HMCN1: variants seen among roughly 807,000 people sequenced by gnomAD.
HMCN1 encodes the protein hemicentin-1.
Under a neutral mutation model 625.9 loss-of-function variants are expected in HMCN1, and 321 were observed. The observed-to-expected ratio is 0.51, with a 90% CI of 0.47 to 0.56. The LOEUF (loss-of-function observed/expected upper bound fraction) is 0.56. Ranked by LOEUF, HMCN1 falls within the 20% of genes least tolerant of loss-of-function variation. HMCN1 has a pLI of 0.00. For missense variants in HMCN1, 6,588 were observed against 6,887.3 expected (o/e 0.96, Z 1.54); for synonymous variants, 2,425 against 2,417.6 (o/e 1.00, Z -0.09).
At chr1:185,747,995 G>A (rs1221625747) in intron 1 of HMCN1, among the ~76,000 whole-genome samples, 1 of 151,330 alleles carries the variant, frequency 6.6e-6, no homozygotes, top group Non-Finnish European at 1.5e-5. Flanking sequence ...AGAAGCATGG[G>A]TGATGGGGAG....
chr1:186,104,402 C>G (rs1269636797), intron 69 of HMCN1, among the ~76,000 whole-genome samples: 1 of 152,182 alleles, frequency 6.6e-6, no homozygotes, highest in Non-Finnish European at 1.5e-5. Flanking sequence ...AGGATTGTTC[C>G]TGCTGTTGCT....
chr1:186,189,687 G>A lies in HMCN1; in HGVS notation c.16717G>A (p.Asp5573Asn). The A allele has an allele frequency of 1.2e-6, 2 of 1,612,004 alleles. No homozygotes were observed. The highest frequency in any genetic ancestry group is 1.7e-6 in the Non-Finnish European group (2 of 1,178,362). Residue 5573 changes from aspartate to asparagine, a missense_variant, in exon 107 of 107, where the codon GAT becomes AAT. Physicochemically the swap from Asp to Asn is conservative, Grantham distance 23 (BLOSUM62 1). This residue lies in a region of HMCN1 where 1,954 missense variants were observed against 2,013.1 expected (regional missense o/e 0.97). Transcript: ENST00000271588. ...TCCCAGGACAACTTTCCTCATGGTA[G>A]ATGAGGAACAGACTGTTCCTTTTGC... ...MHPRTTFLMV[D>N]EEQTVPFALR...
intron 4 of HMCN1, among the ~76,000 whole-genome samples, chr1:185,908,601 C>T (rs1423659027): frequency 6.6e-6 from 1 of 151,868 alleles, no homozygotes; most frequent in Non-Finnish European, 1.5e-5. Context: ...TTCTTGTTCA[C>T]AATGAGGCAT....
chr1:186,121,665 GGAGATGTCAAGTAGA>G (rs947252086), intron 80 of HMCN1, among the ~76,000 whole-genome samples: 2 of 152,088 alleles, frequency 1.3e-5, no homozygotes. Context: ...AAATCCTAGT[GGAGATGTCAAGTAGA>G]GAGTTGAATA....
intron 58 of HMCN1, 48 bp from the exon 59 acceptor site, chr1:186,087,169 A>T: frequency 8.5e-7 from 1 of 1,176,742 alleles, no homozygotes; most frequent in African/African-American, 1.5e-5. Context: ...AATAGTTGTT[A>T]GAACAACCTG....
At chr1:186,149,141 G>GT (rs763835692) in intron 93 of HMCN1, among the ~76,000 whole-genome samples, 3 of 152,114 alleles carry the variant, frequency 2.0e-5, no homozygotes, top group African/African-American at 4.8e-5. Flanking sequence ...CACCAACTGC[G>GT]TAAGTCCTTA....
chr1:186,151,835 T>C, intron 95 of HMCN1, 92 bp downstream of exon 95: 1 of 1,322,944 alleles, frequency 7.6e-7, no homozygotes, highest in Non-Finnish European at 1.1e-6. Context: ...CATAGAATAA[T>C]TTGAAACTTT....
chr1:185,942,639 A>C (rs1188641697), intron 11 of HMCN1, among the ~76,000 whole-genome samples: 1 of 152,108 alleles, frequency 6.6e-6, no homozygotes, highest in African/African-American at 2.4e-5. Flanking sequence ...TAAATGTGTA[A>C]ATTTTTTTTT....
chr1:186,112,129 T>A (rs1026617351), intron 71 of HMCN1, among the ~76,000 whole-genome samples: 1 of 152,258 alleles, frequency 6.6e-6, no homozygotes, highest in African/African-American at 2.4e-5. Context: ...TTCATAATTT[T>A]TGTCTATGCC....
intron 4 of HMCN1, among the ~76,000 whole-genome samples, chr1:185,877,622 G>A (rs1664040059): frequency 6.6e-6 from 1 of 151,624 alleles, no homozygotes; most frequent in Non-Finnish European, 1.5e-5. Flanking sequence ...ATTTGTTTAT[G>A]TCATCTATAA....
At position 186,090,757 on chromosome 1, in the gene HMCN1, G is replaced by A; in HGVS notation, c.9728-1G>A. ...TGAAATTCCTAATTATTTCTCCAAA[G>A]TTCCTCCAAGTGTTGCTGGTGCTGA... On this transcript the variant is annotated splice_acceptor_variant, in intron 63 of 106. Transcript: ENST00000271588. LOFTEE classifies it high-confidence loss of function. 6.2e-7 allele frequency: 1 copy of A among 1,612,038 alleles called. No individual in the cohort carries two copies.
intron 1 of HMCN1, among the ~76,000 whole-genome samples, chr1:185,749,198 G>A (rs1431428071): frequency 6.6e-6 from 1 of 152,198 alleles, no homozygotes; most frequent in Non-Finnish European, 1.5e-5. Context: ...TTATGTTTCA[G>A]TGAGACTATA....
chr1:186,077,365 G>A (rs143735313), intron 54 of HMCN1, among the ~76,000 whole-genome samples: 157 of 152,062 alleles, frequency 1.0e-3, no homozygotes, highest in African/African-American at 3.4e-3. Context: ...TATGGACTGC[G>A]GATTCAATAG....
chr1:186,151,294 T>A lies in HMCN1; in HGVS notation c.14703T>A (p.Pro4901=). The A allele has an allele frequency of 6.2e-7, 1 of 1,613,592 alleles. No homozygotes were observed. Among genetic ancestry groups the A allele is most frequent in the Non-Finnish European group, 8.5e-7 (1 of 1,179,536 alleles). ...TTAATGCCACAATAACTGATAGCCCTAACTCTGATACTAGAATAATACGTG... is the reference window on the plus strand; with the variant it reads ...TTAATGCCACAATAACTGATAGCCCAAACTCTGATACTAGAATAATACGTG... The part of the protein sequence containing the change: ...AFLNATITDS[P]NSDTRIIRAK... Residue 4901 remains proline, a synonymous_variant, in exon 94 of 107, where the codon CCT becomes CCA. Coordinates refer to ENST00000271588, the MANE Select transcript of HMCN1 (RefSeq NM_031935.3).
rs1661977086 is a variant in HMCN1 at position 186,132,246 on chromosome 1, A to G, written c.13231-82A>G. The G allele has an allele frequency of 1.1e-5, 10 of 948,392 alleles. 1 individual carries two copies. In the South Asian group the frequency reaches 1.2e-4, roughly 12 times the overall value. 58.7% of individuals were successfully genotyped at this position (948,392 alleles called of 1,614,324 possible). On this transcript the variant is annotated intron_variant, in intron 85 of 106. Coordinates refer to ENST00000271588, the MANE Select transcript of HMCN1 (RefSeq NM_031935.3). ...TTCCTTCTCAAAAATGAAATTTCAA[A>G]TAAACTAGCATCATGGTGAAAAAAG...
rs769804680 is a variant in HMCN1, at chr1:185,977,927, C to A, written c.2512C>A (p.Pro838Thr). 1 of 1,613,364 alleles carries A rather than the reference C, an allele frequency of 6.2e-7. No homozygotes were observed. Among genetic ancestry groups the A allele is most frequent in the South Asian group, 1.1e-5 (1 of 91,062 alleles). ...RLDNMPIFSR[P>T]FSVSSISQLR... ...AGACAACATGCCAATTTTCTCAAGACCTTTTTCAGTTAGTTCCATCAGCCA... is the reference window on the plus strand; with the variant it reads ...AGACAACATGCCAATTTTCTCAAGAACTTTTTCAGTTAGTTCCATCAGCCA... The change falls in exon 16 of 107, where the codon CCT (proline) becomes ACT (threonine). Residue 838 changes from proline (P) to threonine (T), a missense_variant. Transcript: ENST00000271588.
intron 42 of HMCN1, among the ~76,000 whole-genome samples, chr1:186,051,699 G>A (rs541854169): frequency 6.6e-6 from 1 of 152,098 alleles, no homozygotes; most frequent in Non-Finnish European, 1.5e-5. Flanking sequence ...GAAGGCAAAA[G>A]GTATAAGGTA....
chr1:186,157,788 G>A (rs1442255291), intron 97 of HMCN1, among the ~76,000 whole-genome samples: 2 of 152,140 alleles, frequency 1.3e-5, no homozygotes, highest in Non-Finnish European at 2.9e-5. Context: ...GTTTATGGCT[G>A]CATAGTATTC....
intron 53 of HMCN1, among the ~76,000 whole-genome samples, 188 bp downstream of exon 53, chr1:186,075,079 T>C (rs1658726912): frequency 6.6e-6 from 1 of 152,158 alleles, no homozygotes; most frequent in Non-Finnish European, 1.5e-5. Flanking sequence ...CTGTTATTTT[T>C]ATGTGTTTCC....
Sources: gnomAD v4.1 joint callset for allele counts (sites outside exome capture counted in the v4.1 genomes callset) on GRCh38, gnomAD v4.1.1 for gene constraint, gnomAD v4.1.1 regional missense constraint, MANE v1.5 for transcripts, NCBI Gene and HGNC (gene_info 2026-07-23, HGNC 2026-07-21) for gene names.